Variants in HSF5 observed in about 807,000 individuals in gnomAD.
The protein encoded by HSF5 is heat shock transcription factor 5.
In HSF5, 5 loss-of-function variants were observed where a neutral mutation model predicts 50.8. That is an observed-to-expected ratio of 0.10 (90% CI 0.05 to 0.21). The LOEUF is 0.21. Ranked by LOEUF, HSF5 falls within the 10% of genes least tolerant of loss-of-function variation. The probability of loss-of-function intolerance (pLI) is 1.00; values close to 1 mark genes in which losing one functional copy is unlikely to be tolerated. For synonymous variants in HSF5, 307 were observed against 307.4 expected (o/e 1.00, Z 0.02); for missense variants, 564 against 762.6 (o/e 0.74, Z 3.07).
chr17:58,467,013 C>A lies in HSF5; in HGVS notation c.926-34G>T, dbSNP rs201431823. 3.7e-6 allele frequency: 5 copies of A among 1,367,434 alleles called. No homozygotes were observed. The East Asian group carries it at 1.1e-4, about 31-fold the overall frequency. The allele number at this position is 1,367,434 out of a possible 1,614,324, so 84.7% of individuals were successfully genotyped here. A position where few individuals can be genotyped will look rare whatever the true frequency, so the allele number is the denominator to read the frequency against. ...AATTCAAACACAGAAAAGCCATCAA[C>A]CACAATACATTTCTATAGCATTCAA... On this transcript the variant is annotated intron_variant, in intron 2 of 5. Coordinates refer to ENST00000323777, the MANE Select transcript of HSF5 (RefSeq NM_001080439.3).
Position 58,443,882 on chromosome 17 carries a change from G to A in HSF5, c.1720+14886C>T, listed in dbSNP as rs150413727. ...GAAGACATAAAGGGAACAGTATGGGGAGGTAGTAGTCAAAGGGAATTCTGG... is the reference window on the plus strand; with the variant it reads ...GAAGACATAAAGGGAACAGTATGGGAAGGTAGTAGTCAAAGGGAATTCTGG... On this transcript the variant is annotated intron_variant, in intron 5 of 5. Coordinates refer to ENST00000323777, the MANE Select transcript of HSF5 (RefSeq NM_001080439.3). Among the ~76,000 whole-genome samples, 31 of 152,352 alleles carry A rather than the reference G, an allele frequency of 2.0e-4. No individual in the cohort carries two copies. In the East Asian group the frequency reaches 5.6e-3, roughly 27 times the overall value.
chr17:58,467,069 T>C lies in HSF5; in HGVS notation c.926-90A>G, dbSNP rs554792369. On this transcript the variant is annotated intron_variant, in intron 2 of 5. Transcript: ENST00000323777. ...TCCCCTCTTTCAACATGGAAAGAAA[T>C]CCAAATTTGAAGAACTTCTTTTGTA... The C allele has an allele frequency of 2.7e-4, 217 of 810,522 alleles. 2 individuals carry two copies. In the South Asian group the frequency reaches 3.2e-3, roughly 12 times the overall value. 50.2% of individuals were successfully genotyped at this position (810,522 alleles called of 1,614,324 possible). A position where few individuals can be genotyped will look rare whatever the true frequency, so the allele number is the denominator to read the frequency against.
At chr17:58,424,591 G>A (rs1165251685) in intron 5 of HSF5, among the ~76,000 whole-genome samples, 3 of 144,844 alleles carry the variant, frequency 2.1e-5, no homozygotes, top group Non-Finnish European at 4.5e-5. Flanking sequence ...CGGCCTGGGC[G>A]ACAGAGTGAG....
rs369692850 is a variant in HSF5, at chr17:58,479,287, G to A, written c.925+606C>T. ...GCACCAAGTACAGAGTTAAAATAAG[G>A]TTCTGGGGTACTAAGGTTTTTTGCT... is the stretch of plus-strand genomic sequence containing the variant. On this transcript the variant is annotated intron_variant, in intron 2 of 5. Transcript: ENST00000323777. Among the ~76,000 whole-genome samples, 57 of 151,922 alleles carry A rather than the reference G, an allele frequency of 3.8e-4. 1 individual carries two copies. The East Asian group carries it at 7.5e-3, about 20-fold the overall frequency.
intron 2 of HSF5, among the ~76,000 whole-genome samples, chr17:58,470,147 A>C (rs982407581): frequency 4.3e-4 from 65 of 152,208 alleles, no homozygotes; most frequent in African/African-American, 1.5e-3. Context: ...ATTTATGGTG[A>C]GGTAAAGAAA....
chr17:58,428,751 C>T (rs927277659), intron 5 of HSF5, among the ~76,000 whole-genome samples: 6 of 152,024 alleles, frequency 3.9e-5, no homozygotes, highest in East Asian at 1.9e-4. Context: ...CAAGTGTTAG[C>T]GAGGATGTAG....
intron 2 of HSF5, among the ~76,000 whole-genome samples, chr17:58,471,913 G>T (rs1396403799): frequency 1.3e-5 from 2 of 152,038 alleles, no homozygotes; most frequent in Non-Finnish European, 2.9e-5. Flanking sequence ...GAGTGCAGTG[G>T]CGCGATCTCA....
In HSF5 at chr17:58,480,375, C is replaced by A. The variant is rs560654961; in HGVS notation, c.551-108G>T. 5.7e-5 allele frequency: 61 copies of A among 1,073,328 alleles called. No individual in the cohort carries two copies. In the East Asian group the frequency reaches 1.6e-3, roughly 27 times the overall value. The allele number at this position is 1,073,328 out of a possible 1,614,324, so 66.5% of individuals were successfully genotyped here. Reference sequence around the variant, plus strand: ...CTCTTCACCTATCAGCCATTTTTAACACAACAGAAGTTTAGGTTTGGTAAA... The same window carrying A: ...CTCTTCACCTATCAGCCATTTTTAAAACAACAGAAGTTTAGGTTTGGTAAA... On this transcript the variant is annotated intron_variant, in intron 1 of 5. Transcript: ENST00000323777.
intron 3 of HSF5, among the ~76,000 whole-genome samples, chr17:58,464,503 A>G (rs1005989062): frequency 1.3e-5 from 2 of 152,240 alleles, no homozygotes; most frequent in Non-Finnish European, 2.9e-5. Flanking sequence ...ACCCATACCT[A>G]CAGTCCAACT....
At chr17:58,449,041 T>C (rs1301817189) in intron 5 of HSF5, among the ~76,000 whole-genome samples, 1 of 152,212 alleles carries the variant, frequency 6.6e-6, no homozygotes, top group Non-Finnish European at 1.5e-5. Context: ...TTCTTTTCTT[T>C]GCAATCAAAG....
At chr17:58,439,513 T>G (rs753893367) in intron 5 of HSF5, among the ~76,000 whole-genome samples, 1 of 152,156 alleles carries the variant, frequency 6.6e-6, no homozygotes, top group Non-Finnish European at 1.5e-5. Context: ...AGACGGAGTT[T>G]TGCTCTTGTT....
At chr17:58,476,306 T>C in intron 2 of HSF5, 1 of 1,061,634 alleles carries the variant, frequency 9.4e-7, no homozygotes, top group Non-Finnish European at 1.5e-6. Context: ...TGTAATGGGT[T>C]TGGCCAAATA....
At chr17:58,439,283 A>AC (rs1176954424) in intron 5 of HSF5, among the ~76,000 whole-genome samples, 1 of 145,472 alleles carries the variant, frequency 6.9e-6, no homozygotes, top group African/African-American at 2.5e-5. Flanking sequence ...AAAAAAAACA[A>AC]AAACAACAAC....
intron 5 of HSF5, among the ~76,000 whole-genome samples, chr17:58,423,079 C>A (rs1974247756): frequency 1.3e-5 from 2 of 152,154 alleles, no homozygotes; most frequent in South Asian, 2.1e-4. Context: ...AATAAAAATT[C>A]ATTTCCTTCA....
intron 5 of HSF5, among the ~76,000 whole-genome samples, chr17:58,440,015 T>C (rs2143745291): frequency 6.6e-6 from 1 of 151,822 alleles, no homozygotes; most frequent in African/African-American, 2.4e-5. Flanking sequence ...CTTCTGGTAA[T>C]GTCAGGCCTG....
intron 5 of HSF5, among the ~76,000 whole-genome samples, chr17:58,432,552 G>A: frequency 6.6e-6 from 1 of 152,162 alleles, no homozygotes; most frequent in East Asian, 1.9e-4. Context: ...TTAAACAATA[G>A]TGAAGAAACT....
intron 3 of HSF5, among the ~76,000 whole-genome samples, chr17:58,463,584 C>T (rs534305134): frequency 1.3e-5 from 2 of 152,246 alleles, no homozygotes; most frequent in African/African-American, 4.8e-5. Flanking sequence ...AGCTATAGTA[C>T]CCAAATACCT....
chr17:58,480,385 G>T, intron 1 of HSF5, 118 bp from the exon 2 acceptor site: 1 of 914,160 alleles, frequency 1.1e-6, no homozygotes, highest in Non-Finnish European at 1.5e-6. Flanking sequence ...CACAACAGAA[G>T]TTTAGGTTTG....
At chr17:58,456,164 TATACACAC>T (rs1350969826) in intron 5 of HSF5, among the ~76,000 whole-genome samples, 12 of 130,514 alleles carry the variant, frequency 9.2e-5, no homozygotes, top group Admixed American at 6.1e-4. Flanking sequence ...TGTGTGTGTA[TATACACAC>T]ACACACACAC....
Sources: gnomAD v4.1 joint callset for allele counts (sites outside exome capture counted in the v4.1 genomes callset) on GRCh38, gnomAD v4.1.1 for gene constraint, MANE v1.5 for transcripts, NCBI Gene and HGNC (gene_info 2026-07-23, HGNC 2026-07-21) for gene names.